CFAP210: variants seen among roughly 807,000 people sequenced by gnomAD.
CFAP210 encodes the protein cilia and flagella associated protein 210.
the CFAP210 span, among the ~76,000 whole-genome samples, chr2:169,650,734 CTGTGTGTGTGTGTGTGTG>C: frequency 5.8e-3 from 857 of 147,214 alleles, 4 homozygotes; most frequent in Non-Finnish European, 0.01. Flanking sequence ...TATGTATAAT[CTGTGTGTGTGTGTGTGTG>C]TGTGTGTGTG....
chr2:169,693,506 A>T, the CFAP210 span, among the ~76,000 whole-genome samples: 2 of 152,356 alleles, frequency 1.3e-5, no homozygotes, highest in African/African-American at 4.8e-5. Flanking sequence ...TGCAGGGGGC[A>T]CTATTGCTAC....
the CFAP210 span, among the ~76,000 whole-genome samples, chr2:169,692,016 A>T: frequency 6.6e-6 from 1 of 152,216 alleles, no homozygotes; most frequent in African/African-American, 2.4e-5. Flanking sequence ...TTACAACTCC[A>T]TCTTAGCCTC....
At chr2:169,650,236 GT>G in the CFAP210 span, 1 of 1,278,964 alleles carries the variant, frequency 7.8e-7, no homozygotes. Context: ...ATCTTGGCTA[GT>G]TTTTGGTTAG....
At chr2:169,670,644 T>A in the CFAP210 span, among the ~76,000 whole-genome samples, 1 of 152,204 alleles carries the variant, frequency 6.6e-6, no homozygotes, top group Non-Finnish European at 1.5e-5. Context: ...GAATCCACTG[T>A]CACATATTTG....
chr2:169,649,293 T>C, the CFAP210 span: 3 of 1,613,690 alleles, frequency 1.9e-6, no homozygotes, highest in Admixed American at 1.7e-5. Flanking sequence ...CAGCCAGCAA[T>C]TGTTCTTTAG....
chr2:169,692,438 G>GTGCA, the CFAP210 span, among the ~76,000 whole-genome samples: 1 of 96,804 alleles, frequency 1.0e-5, no homozygotes, highest in Admixed American at 9.1e-5. Flanking sequence ...AGGGCAACAG[G>GTGCA]CGCACGCACA....
At chr2:169,686,007 GT>G in the CFAP210 span, among the ~76,000 whole-genome samples, 5 of 151,976 alleles carry the variant, frequency 3.3e-5, no homozygotes, top group African/African-American at 7.2e-5. Flanking sequence ...GGTGACTGTA[GT>G]TTTTTTTATT....
chr2:169,657,378 TAA>T, the CFAP210 span, among the ~76,000 whole-genome samples: 1 of 151,746 alleles, frequency 6.6e-6, no homozygotes, highest in Non-Finnish European at 1.5e-5. Context: ...GCACCAGAGA[TAA>T]AGACAGGACC....
chr2:169,678,273 G>A, the CFAP210 span, among the ~76,000 whole-genome samples: 4 of 150,064 alleles, frequency 2.7e-5, no homozygotes, highest in African/African-American at 9.8e-5. Context: ...CCCGGGAGGC[G>A]GAGGTTGCAG....
the CFAP210 span, among the ~76,000 whole-genome samples, chr2:169,660,604 A>ATAT: frequency 8.2e-6 from 1 of 121,666 alleles, no homozygotes; most frequent in African/African-American, 3.0e-5. Flanking sequence ...ATATATATAT[A>ATAT]TTTTTTTTTT....
At chr2:169,675,267 G>A in the CFAP210 span, among the ~76,000 whole-genome samples, 577 of 152,228 alleles carry the variant, frequency 3.8e-3, 6 homozygotes, top group African/African-American at 0.013. Flanking sequence ...AGAGGTATAT[G>A]AACTTCTCCT....
chr2:169,651,715 G>T, the CFAP210 span, among the ~76,000 whole-genome samples: 1 of 152,024 alleles, frequency 6.6e-6, no homozygotes, highest in Non-Finnish European at 1.5e-5. Context: ...GGAGGCTGAG[G>T]CTATAAAAGG....
At chr2:169,668,067 G>A in the CFAP210 span, among the ~76,000 whole-genome samples, 1 of 152,206 alleles carries the variant, frequency 6.6e-6, no homozygotes, top group South Asian at 2.1e-4. Flanking sequence ...CTGGAAATCT[G>A]TTGTTTAGTG....
chr2:169,674,092 C>G, the CFAP210 span, among the ~76,000 whole-genome samples: 1 of 152,168 alleles, frequency 6.6e-6, no homozygotes. Flanking sequence ...ATACTTCCTT[C>G]TCCATTGACT....
At chr2:169,663,553 C>T in the CFAP210 span, among the ~76,000 whole-genome samples, 5 of 152,120 alleles carry the variant, frequency 3.3e-5, no homozygotes, top group African/African-American at 1.2e-4. Context: ...CTGGAGTCCC[C>T]TCACTCAGGT....
the CFAP210 span, among the ~76,000 whole-genome samples, chr2:169,663,446 C>T: frequency 6.6e-6 from 1 of 152,168 alleles, no homozygotes; most frequent in African/African-American, 2.4e-5. Flanking sequence ...AGCAATCCTC[C>T]CGCCTAAGCC....
At chr2:169,646,354 T>A in the CFAP210 span, among the ~76,000 whole-genome samples, 1 of 152,210 alleles carries the variant, frequency 6.6e-6, no homozygotes, top group Admixed American at 6.5e-5. Context: ...CCTATCATGC[T>A]CAAAGTGGTG....
At chr2:169,692,163 C>T in the CFAP210 span, among the ~76,000 whole-genome samples, 1 of 152,136 alleles carries the variant, frequency 6.6e-6, no homozygotes, top group African/African-American at 2.4e-5. Flanking sequence ...CTTTCCAAAG[C>T]CCCCTATGGA....
chr2:169,656,732 G>A, the CFAP210 span, among the ~76,000 whole-genome samples: 1 of 152,058 alleles, frequency 6.6e-6, no homozygotes, highest in African/African-American at 2.4e-5. Flanking sequence ...GGGAGGCTGA[G>A]GCAGGCAGAT....
Sources: allele counts gnomAD v4.1 joint callset (sites outside exome capture counted in the v4.1 genomes callset), GRCh38; gene constraint gnomAD v4.1.1; transcripts MANE v1.5; gene names NCBI Gene and HGNC (gene_info 2026-07-23, HGNC 2026-07-21).